The following GGNBP2 variants were observed in gnomAD, a reference collection of about 807,000 sequenced individuals.
GGNBP2 encodes the protein gametogenetin-binding protein 2.
Under a neutral mutation model 85.9 loss-of-function variants are expected in GGNBP2, and 10 were observed. That is an observed-to-expected ratio of 0.12 (90% CI 0.07 to 0.20). The LOEUF is 0.20. Ranked by LOEUF, GGNBP2 falls within the 10% of genes least tolerant of loss-of-function variation. The pLI is 1.00. For missense variants in GGNBP2, 595 were observed against 857.8 expected (o/e 0.69, Z 3.83); for synonymous variants, 287 against 285.7 (o/e 1.00, Z -0.05).
Position 36,575,631 on chromosome 17 carries a change from TATATATATATATA to T in GGNBP2, c.642-2351_642-2339del, listed in dbSNP as rs1356654937. Reference sequence around the variant, plus strand: ...AATGTAACATATATATATATATATATATATATATATATATATATTTTTTTTTTTTTTTGAGATG... The same window carrying T: ...AATGTAACATATATATATATATATATTATATTTTTTTTTTTTTTTGAGATG... On this transcript the variant is annotated intron_variant, in intron 6 of 13. Transcript: ENST00000613102. Among the ~76,000 whole-genome samples, 39 of 45,424 alleles carry T rather than the reference TATATATATATATA, an allele frequency of 8.6e-4. 1 individual carries two copies. The highest frequency in any genetic ancestry group is 3.1e-3 in the African/African-American group (32 of 10,412). 29.8% of individuals were successfully genotyped at this position (45,424 alleles called of 152,430 possible).
intron 10 of GGNBP2, 175 bp from the exon 11 acceptor site, chr17:36,585,659 CTAATCA>C: frequency 1.6e-6 from 1 of 624,756 alleles, no homozygotes; most frequent in Non-Finnish European, 2.6e-6. Context: ...TGGTAAATTC[CTAATCA>C]TATTTTCATT....
chr17:36,584,483 G>A (rs537636922), intron 9 of GGNBP2, among the ~76,000 whole-genome samples: 1 of 152,196 alleles, frequency 6.6e-6, no homozygotes, highest in South Asian at 2.1e-4. Context: ...GATTACATGC[G>A]CCTGCCACCT....
At chr17:36,587,295 G>A in intron 13 of GGNBP2, 50 bp downstream of exon 13, 1 of 1,583,384 alleles carries the variant, frequency 6.3e-7, no homozygotes, top group Non-Finnish European at 8.7e-7. Flanking sequence ...GGAACGGGGT[G>A]GATGTGGGAG....
At chr17:36,572,319 TTTG>T (rs1184921427) in intron 6 of GGNBP2, among the ~76,000 whole-genome samples, 5 of 152,172 alleles carry the variant, frequency 3.3e-5, no homozygotes, top group Non-Finnish European at 7.4e-5. Flanking sequence ...TGTGGAAGTA[TTTG>T]TTGTTATTTC....
chr17:36,573,594 C>T (rs759652867), intron 6 of GGNBP2, among the ~76,000 whole-genome samples: 2 of 152,132 alleles, frequency 1.3e-5, no homozygotes, highest in Non-Finnish European at 2.9e-5. Context: ...GAAGAACTTC[C>T]GTACCGGTTT....
At position 36,572,531 on chromosome 17, in the gene GGNBP2, A is replaced by C. The variant is rs543849915; in HGVS notation, c.641+4755A>C. On this transcript the variant is annotated intron_variant, in intron 6 of 13. Coordinates refer to ENST00000613102, the MANE Select transcript of GGNBP2 (RefSeq NM_024835.5). Reference sequence around the variant, plus strand: ...TGGCCAAACCCTGTCTCTCCAAAGAATACAAATATTAGCCATGCGTGGTGG... The same window carrying C: ...TGGCCAAACCCTGTCTCTCCAAAGACTACAAATATTAGCCATGCGTGGTGG... Among the ~76,000 whole-genome samples, 3 of 152,220 alleles carry C rather than the reference A, an allele frequency of 2.0e-5. No homozygotes were observed. In the East Asian group the frequency reaches 5.8e-4, roughly 29 times the overall value.
chr17:36,577,580 C>A, intron 6 of GGNBP2: 1 of 202,720 alleles, frequency 4.9e-6, no homozygotes, highest in South Asian at 7.4e-5. Context: ...TTTTCAGAGA[C>A]TGGAAGGAGA....
chr17:36,561,311 A>G (rs1332829963), intron 5 of GGNBP2, among the ~76,000 whole-genome samples: 2 of 151,918 alleles, frequency 1.3e-5, no homozygotes, highest in Non-Finnish European at 2.9e-5. Flanking sequence ...TTTAGTAGAT[A>G]TGGGGTTTCA....
chr17:36,566,120 G>A (rs17138349), intron 5 of GGNBP2, among the ~76,000 whole-genome samples: 10,904 of 152,166 alleles, frequency 0.072, 666 homozygotes, highest in African/African-American at 0.16. Flanking sequence ...TTCCGTCTCT[G>A]GCGTCCAAGG....
chr17:36,566,221 T>C (rs1410130400), intron 5 of GGNBP2, among the ~76,000 whole-genome samples: 2 of 152,278 alleles, frequency 1.3e-5, no homozygotes, highest in East Asian at 3.9e-4. Flanking sequence ...AAGGCTGTGA[T>C]TGAATGGAGT....
At chr17:36,550,866 T>C (rs1599496983) in intron 2 of GGNBP2, among the ~76,000 whole-genome samples, 1 of 152,232 alleles carries the variant, frequency 6.6e-6, no homozygotes, top group Non-Finnish European at 1.5e-5. Flanking sequence ...AGGAAGTGGT[T>C]TTAAAGAATG....
chr17:36,584,070 A>G (rs958687424), intron 9 of GGNBP2, among the ~76,000 whole-genome samples: 3 of 152,356 alleles, frequency 2.0e-5, no homozygotes, highest in Middle Eastern at 3.4e-3. Context: ...TTGCAAGGCC[A>G]AAATTCTGAT....
intron 2 of GGNBP2, among the ~76,000 whole-genome samples, chr17:36,554,220 A>C (rs983158249): frequency 6.7e-6 from 1 of 149,090 alleles, no homozygotes; most frequent in African/African-American, 2.5e-5. Context: ...GAGGCAGGAG[A>C]ATTGCTTGAA....
chr17:36,587,925 A>C (rs962438980), intron 13 of GGNBP2, among the ~76,000 whole-genome samples: 5 of 152,252 alleles, frequency 3.3e-5, no homozygotes, highest in African/African-American at 9.6e-5. Context: ...TTGTTAAGTC[A>C]GGACCATCTG....
chr17:36,551,842 T>G (rs1237548754), intron 2 of GGNBP2, among the ~76,000 whole-genome samples: 11 of 152,092 alleles, frequency 7.2e-5, no homozygotes, highest in Admixed American at 7.2e-4. Flanking sequence ...AAAAAAAATT[T>G]TACAAATCAG....
At chr17:36,573,536 A>T (rs80295964) in intron 6 of GGNBP2, among the ~76,000 whole-genome samples, 10,888 of 152,196 alleles carry the variant, frequency 0.072, 667 homozygotes, top group African/African-American at 0.16. Context: ...GTTCTTTTGG[A>T]TATATACCTA....
chr17:36,572,813 A>T (rs938602031), intron 6 of GGNBP2, among the ~76,000 whole-genome samples: 1 of 152,200 alleles, frequency 6.6e-6, no homozygotes, highest in Non-Finnish European at 1.5e-5. Flanking sequence ...CTCAACTGAA[A>T]CTATACGCAT....
At chr17:36,564,158 C>T (rs958088905) in intron 5 of GGNBP2, among the ~76,000 whole-genome samples, 2 of 152,148 alleles carry the variant, frequency 1.3e-5, no homozygotes, top group African/African-American at 4.8e-5. Flanking sequence ...ATGCAGAGTA[C>T]AGGCTAATTT....
rs766340341 is a variant in GGNBP2, at chr17:36,545,772, C to T, written c.48C>T (p.Pro16=). ...GCAGGGACGGGGAGGAGGAGTTCCC[C>T]TTCGAGAGGAGGCAGATTCCCCTCT... ...AVCRDGEEEF[P]FERRQIPLYI... The change falls in exon 2 of 14, where the codon CCC becomes CCT. Residue 16 remains proline, a synonymous_variant. Transcript: ENST00000613102. 2.5e-6 allele frequency: 4 copies of T among 1,583,602 alleles called. No homozygotes were observed. The highest frequency in any genetic ancestry group is 2.3e-5 in the South Asian group (2 of 86,860).
Sources: gnomAD v4.1 joint callset for allele counts (sites outside exome capture counted in the v4.1 genomes callset) on GRCh38, gnomAD v4.1.1 for gene constraint, MANE v1.5 for transcripts, NCBI Gene and HGNC (gene_info 2026-07-23, HGNC 2026-07-21) for gene names.